SVIL: variants seen among roughly 807,000 people sequenced by gnomAD.
The protein encoded by SVIL is archvillin.
SVIL carries 101 observed loss-of-function variants against 240.4 expected under a neutral mutation model. The observed-to-expected ratio is 0.42, with a 90% CI of 0.36 to 0.50. SVIL has a LOEUF of 0.50. Among genes scored for constraint, SVIL ranks in the 20% least tolerant of loss-of-function variants. SVIL has a pLI of 0.01. For synonymous variants in SVIL, 999 were observed against 1,100.0 expected (o/e 0.91, Z 1.82); for missense variants, 2,512 against 2,818.7 (o/e 0.89, Z 2.46).
In SVIL at chr10:29,481,594, G is replaced by C. The variant is rs1257021888; in HGVS notation, c.5090C>G (p.Ala1697Gly). The C allele has an allele frequency of 6.2e-7, 1 of 1,614,128 alleles. No individual in the cohort carries two copies. Among genetic ancestry groups the C allele is most frequent in the Admixed American group, 1.7e-5 (1 of 60,020 alleles). The change falls in exon 28 of 38, where the codon GCC becomes GGC. Residue 1697 changes from alanine (A) to glycine (G), a missense_variant. This residue lies in a region of SVIL where 797 missense variants were observed against 925.3 expected (regional missense o/e 0.86). Transcript: ENST00000355867. Reference sequence around the variant, plus strand: ...TGGTCGCCGGAATACCTTGTGCTGGGCAAGTTCCCCGGGGTTCTTCTCATT... The same window carrying C: ...TGGTCGCCGGAATACCTTGTGCTGGCCAAGTTCCCCGGGGTTCTTCTCATT... ...RSNEKNPGELAQHKEDPRTDV... is the reference protein window; with the variant it reads ...RSNEKNPGELGQHKEDPRTDV...
At chr10:29,508,469 G>A in intron 17 of SVIL, 1 of 1,173,912 alleles carries the variant, frequency 8.5e-7, no homozygotes, top group South Asian at 1.3e-5. Context: ...TCACCTTCAA[G>A]TATTTCATGC....
chr10:29,550,588 G>A lies in SVIL; in HGVS notation c.827+9C>T. The A allele has an allele frequency of 6.3e-7, 1 of 1,598,042 alleles. No individual in the cohort carries two copies. The highest frequency in any genetic ancestry group is 8.5e-7 in the Non-Finnish European group (1 of 1,172,462). On this transcript the variant is annotated intron_variant, in intron 6 of 37. Transcript: ENST00000355867. ...CGTTCAGGGTGCTTAGCGTGGACTG[G>A]ATGCTTACCTGGGTCGGGCCTCAGG...
Position 29,589,995 on chromosome 10 carries a change from G to A in SVIL, c.-200-20683C>T, listed in dbSNP as rs145925692. On this transcript the variant is annotated intron_variant, in intron 1 of 37. Coordinates refer to ENST00000355867, the MANE Select transcript of SVIL (RefSeq NM_021738.3). Reference sequence around the variant, plus strand: ...AGCCTGGCCAAGATGGTGAAACCCCGTCTCTACTAAAAATGCAAAAAATTA... The same window carrying A: ...AGCCTGGCCAAGATGGTGAAACCCCATCTCTACTAAAAATGCAAAAAATTA... Among the ~76,000 whole-genome samples, 15 of 151,542 alleles carry A rather than the reference G, an allele frequency of 9.9e-5. No individual in the cohort carries two copies. In the East Asian group the frequency reaches 1.2e-3, roughly 12 times the overall value.
chr10:29,735,320 T>C lies in SVIL; in HGVS notation c.-400+431A>G, dbSNP rs1197862708. Among the ~76,000 whole-genome samples the C allele has an allele frequency of 6.6e-6, 1 of 150,824 alleles. No homozygotes were observed. The highest frequency in any genetic ancestry group is 1.5e-5 in the Non-Finnish European group (1 of 67,614). On this transcript the variant is annotated intron_variant, in intron 1 of 35. Coordinates refer to the SVIL transcript ENST00000375400. The surrounding 1 kb of genome is among the most constrained non-coding windows in gnomAD (Gnocchi z 4.1). The stretch of plus-strand genomic sequence containing the variant: ...TGGTGTCGGGAAAGGAACCGGGCGA[T>C]GTCGTAGTTCTGATCACTGGCGCGC...
intron 1 of SVIL, among the ~76,000 whole-genome samples, chr10:29,712,328 G>A (rs903277192): frequency 6.6e-6 from 1 of 152,068 alleles, no homozygotes; most frequent in African/African-American, 2.4e-5. Flanking sequence ...TCTGGGGGGC[G>A]GGGAGGCAGT....
intron 1 of SVIL, among the ~76,000 whole-genome samples, chr10:29,603,830 C>A (rs1956905456): frequency 6.6e-6 from 1 of 152,170 alleles, no homozygotes; most frequent in African/African-American, 2.4e-5. Context: ...GCATTCAATT[C>A]ATATAAAATT....
At chr10:29,504,891 A>G (rs1024086610) in intron 17 of SVIL, among the ~76,000 whole-genome samples, 3 of 152,270 alleles carry the variant, frequency 2.0e-5, no homozygotes, top group Admixed American at 1.3e-4. Context: ...AAGCCTGCAC[A>G]TGGATGCTTC....
intron 1 of SVIL, among the ~76,000 whole-genome samples, chr10:29,580,550 G>A (rs1418163311): frequency 1.3e-5 from 2 of 152,170 alleles, no homozygotes; most frequent in Non-Finnish European, 2.9e-5. Flanking sequence ...CTCCTCCAGA[G>A]GTCCGTACGA....
At chr10:29,710,499 C>T (rs1963202593) in intron 1 of SVIL, among the ~76,000 whole-genome samples, 1 of 152,154 alleles carries the variant, frequency 6.6e-6, no homozygotes. Flanking sequence ...CCACTGACTA[C>T]CAAACTCAAT....
intron 2 of SVIL, among the ~76,000 whole-genome samples, chr10:29,678,670 A>G (rs1960392376): frequency 6.6e-6 from 1 of 152,266 alleles, no homozygotes; most frequent in African/African-American, 2.4e-5. Context: ...AATTCTGTTC[A>G]GTATAATGCA....
chr10:29,488,018 C>T (rs1372807559), intron 23 of SVIL, among the ~76,000 whole-genome samples: 3 of 152,046 alleles, frequency 2.0e-5, no homozygotes, highest in African/African-American at 7.2e-5. Context: ...CAGTGGCCAC[C>T]AGGAGGCAGC....
intron 34 of SVIL, among the ~76,000 whole-genome samples, 186 bp downstream of exon 34, chr10:29,465,409 C>T (rs1228532375): frequency 6.6e-6 from 1 of 152,174 alleles, no homozygotes; most frequent in Admixed American, 6.5e-5. Flanking sequence ...TAAAGTGTGG[C>T]TGATTTCACT....
chr10:29,531,128 A>T (rs757147163), intron 10 of SVIL, 126 bp downstream of exon 10: 52 of 898,736 alleles, frequency 5.8e-5, no homozygotes, highest in Non-Finnish European at 8.3e-5. Context: ...CAGAACGAAA[A>T]CCTGCAGCAA....
At chr10:29,506,795 A>T (rs1344857108) in intron 17 of SVIL, among the ~76,000 whole-genome samples, 18 of 132,562 alleles carry the variant, frequency 1.4e-4, no homozygotes, top group South Asian at 2.4e-4. Context: ...AGGCCCTATG[A>T]GGGAGGGGAC....
intron 3 of SVIL, among the ~76,000 whole-genome samples, chr10:29,654,166 C>T (rs1370863567): frequency 1.3e-5 from 2 of 152,090 alleles, no homozygotes; most frequent in East Asian, 1.9e-4. Context: ...TTTTCTGATC[C>T]ATGCACATGG....
At chr10:29,697,182 G>C (rs1368800934) in intron 1 of SVIL, among the ~76,000 whole-genome samples, 1 of 77,576 alleles carries the variant, frequency 1.3e-5, no homozygotes, top group Non-Finnish European at 2.7e-5. Context: ...CGCCCCGTCC[G>C]GGAGGGAGAT....
At chr10:29,651,618 T>TTCTCTCTCTCTC (rs9299622) in intron 3 of SVIL, among the ~76,000 whole-genome samples, 3,775 of 135,318 alleles carry the variant, frequency 0.028, 92 homozygotes, top group African/African-American at 0.041. Flanking sequence ...GCCACATGCA[T>TTCTCTCTCTCTC]TCTCTCTCTC....
chr10:29,725,929 A>G (rs561167070), intron 1 of SVIL, among the ~76,000 whole-genome samples: 1 of 152,150 alleles, frequency 6.6e-6, no homozygotes, highest in Non-Finnish European at 1.5e-5. Flanking sequence ...AAAAATAAAA[A>G]AATTATTTTA....
chr10:29,634,001 A>G (rs1387268979), intron 1 of SVIL, among the ~76,000 whole-genome samples: 1 of 152,190 alleles, frequency 6.6e-6, no homozygotes, highest in Non-Finnish European at 1.5e-5. Flanking sequence ...TACATGAATT[A>G]TAATGGCAGT....
Sources: gnomAD v4.1 joint callset for allele counts (sites outside exome capture counted in the v4.1 genomes callset) on GRCh38, gnomAD v4.1.1 for gene constraint, gnomAD v4.1.1 regional missense constraint, Gnocchi (gnomAD v3.1) non-coding constraint, MANE v1.5 for transcripts, NCBI Gene and HGNC (gene_info 2026-07-23, HGNC 2026-07-21) for gene names.